Variants in NPAT observed in about 807,000 individuals in gnomAD.
The protein encoded by NPAT is protein NPAT.
In NPAT, 52 loss-of-function variants were observed where a neutral mutation model predicts 130.7. The observed-to-expected ratio is 0.40, with a 90% CI of 0.32 to 0.50. The LOEUF is 0.50. NPAT is among the 20% of genes least tolerant of loss of function. The pLI, the probability that NPAT is intolerant of heterozygous loss-of-function variation, is 0.68. For missense variants in NPAT, 1,687 were observed against 1,662.6 expected (o/e 1.01, Z -0.26); for synonymous variants, 580 against 584.8 (o/e 0.99, Z 0.12).
intron 1 of NPAT, among the ~76,000 whole-genome samples, chr11:108,206,756 T>C (rs2078329440): frequency 6.6e-6 from 1 of 152,234 alleles, no homozygotes; most frequent in Non-Finnish European, 1.5e-5. Flanking sequence ...CCCATGTTAT[T>C]ATCCTGCGTC....
At chr11:108,211,573 A>G (rs1224092482) in intron 1 of NPAT, among the ~76,000 whole-genome samples, 1 of 152,138 alleles carries the variant, frequency 6.6e-6, no homozygotes, top group Non-Finnish European at 1.5e-5. Flanking sequence ...ATCCTTAACA[A>G]AATACTAGCA....
chr11:108,191,245 G>A (rs905853564), intron 4 of NPAT, among the ~76,000 whole-genome samples: 1 of 152,006 alleles, frequency 6.6e-6, no homozygotes, highest in Non-Finnish European at 1.5e-5. Flanking sequence ...TCCCCAAGTT[G>A]ATGTCAGAGG....
intron 8 of NPAT, among the ~76,000 whole-genome samples, chr11:108,186,262 C>A (rs1444704851): frequency 6.6e-6 from 1 of 151,462 alleles, no homozygotes; most frequent in African/African-American, 2.4e-5. Flanking sequence ...AGCAATCTGC[C>A]CACCTCAGCT....
At chr11:108,169,135 C>T (rs1591387647) in intron 15 of NPAT, among the ~76,000 whole-genome samples, 1 of 152,216 alleles carries the variant, frequency 6.6e-6, no homozygotes, top group East Asian at 1.9e-4. Flanking sequence ...AATACTTGAA[C>T]TAAGAAGGAG....
chr11:108,185,241 T>C lies in NPAT; in HGVS notation c.897A>G (p.Leu299=), dbSNP rs757065069. ...TEPETSIDEF[L]GLPSEIHMSE... ...CCCCAACCACCCATACCGGAAGTCC[T>C]AGGAATTCATCAATTGAAGTCTCTG... is the stretch of plus-strand genomic sequence containing the variant. Residue 299 remains leucine (L), a synonymous_variant, in exon 10 of 18, where the codon CTA becomes CTG. Transcript: ENST00000278612. 1 of 1,609,806 alleles carries C rather than the reference T, an allele frequency of 6.2e-7. No homozygotes were observed. Among genetic ancestry groups the C allele is most frequent in the Non-Finnish European group, 8.5e-7 (1 of 1,177,162 alleles).
chr11:108,220,437 A>T (rs1349614826), intron 1 of NPAT, among the ~76,000 whole-genome samples: 1 of 152,172 alleles, frequency 6.6e-6, no homozygotes, highest in Non-Finnish European at 1.5e-5. Flanking sequence ...TATGTTTAAG[A>T]ATTTAAAAAA....
intron 15 of NPAT, among the ~76,000 whole-genome samples, chr11:108,163,537 G>C (rs1306650779): frequency 6.6e-6 from 1 of 152,132 alleles, no homozygotes; most frequent in Non-Finnish European, 1.5e-5. Flanking sequence ...GAGGGTCTGA[G>C]AGACAATAAT....
rs1273962885 is a variant in NPAT at position 108,158,854 on chromosome 11, T to G, written c.*88A>C. 4 of 793,994 alleles carry G rather than the reference T, an allele frequency of 5.0e-6. No homozygotes were observed. Among genetic ancestry groups the G allele is most frequent in the Admixed American group, 3.7e-5 (2 of 53,514 alleles). The allele number at this position is 793,994 out of a possible 1,614,324, so 49.2% of individuals were successfully genotyped here. A position where few individuals can be genotyped will look rare whatever the true frequency, so the allele number is the denominator to read the frequency against. ...AGTACAATGAAAGTGCAGGTCATGC[T>G]TTCAGATTCTGTCAATATCCCATTC... On this transcript the variant is annotated 3_prime_UTR_variant, in exon 18 of 18. Coordinates refer to ENST00000278612, the MANE Select transcript of NPAT (RefSeq NM_002519.3).
intron 10 of NPAT, among the ~76,000 whole-genome samples, chr11:108,177,342 G>T (rs978640216): frequency 2.0e-5 from 3 of 151,764 alleles, no homozygotes; most frequent in African/African-American, 7.3e-5. Context: ...TATTATTTTT[G>T]ATAGAGATGG....
chr11:108,173,279 A>G lies in NPAT; in HGVS notation c.1705T>C (p.Ser569Pro), dbSNP rs902362311. ...TTGTGAACTTCACTAGAATCTGATG[A>G]CTTGGAACCATGAAAATTAATTTTA... is the stretch of plus-strand genomic sequence containing the variant. ...KLKINFHGSK[S>P]SDSSEVHKSK... Residue 569 changes from serine (S) to proline (P), a missense_variant, in exon 13 of 18, where the codon TCA (serine) becomes CCA (proline). By Grantham distance (74) the Ser-to-Pro change is moderately conservative. Transcript: ENST00000278612. 6.2e-7 allele frequency: 1 copy of G among 1,611,516 alleles called. No individual in the cohort carries two copies. Among genetic ancestry groups the G allele is most frequent in the Admixed American group, 1.7e-5 (1 of 59,958 alleles).
chr11:108,173,851 T>A lies in NPAT; in HGVS notation c.1133A>T (p.Asp378Val). The change falls in exon 13 of 18, where the codon GAT becomes GTT. Residue 378 changes from aspartate to valine, a missense_variant and splice_region_variant. This residue lies in a region of NPAT where 1,379 missense variants were observed against 1,346.6 expected (regional missense o/e 1.02). Transcript: ENST00000278612. ...VKGSFETEES[D>V]GQSGQPAFCT... is the part of the protein sequence containing the mutation. Reference sequence around the variant, plus strand: ...AAAAGCGGGCTGACCAGACTGACCATCTGCAAAGTATCAGGCAGGTAGACA... The same window carrying A: ...AAAAGCGGGCTGACCAGACTGACCAACTGCAAAGTATCAGGCAGGTAGACA... 1 of 1,613,792 alleles carries A rather than the reference T, an allele frequency of 6.2e-7. No individual in the cohort carries two copies. The highest frequency in any genetic ancestry group is 1.1e-5 in the South Asian group (1 of 91,084).
intron 12 of NPAT, among the ~76,000 whole-genome samples, chr11:108,175,611 C>T (rs752431291): frequency 6.6e-6 from 1 of 152,118 alleles, no homozygotes; most frequent in Non-Finnish European, 1.5e-5. Context: ...CACTATAATT[C>T]AGCCTAAGAA....
At position 108,158,729 on chromosome 11, in the gene NPAT, G is replaced by A. The variant is rs1039356976; in HGVS notation, c.*213C>T. The A allele has an allele frequency of 6.2e-6, 3 of 486,532 alleles. No homozygotes were observed. Among genetic ancestry groups the A allele is most frequent in the South Asian group, 4.5e-5 (2 of 44,888 alleles). The allele number at this position is 486,532 out of a possible 1,614,324, so 30.1% of individuals were successfully genotyped here. ...GCAGATTGGCTTTACTTACATTTCT[G>A]CAAACGTTTTTCCCAAAATAAAAAT... On this transcript the variant is annotated 3_prime_UTR_variant, in exon 18 of 18. Transcript: ENST00000278612.
At chr11:108,166,217 C>A (rs973131742) in intron 15 of NPAT, among the ~76,000 whole-genome samples, 1 of 151,952 alleles carries the variant, frequency 6.6e-6, no homozygotes, top group Non-Finnish European at 1.5e-5. Flanking sequence ...GATAGTGAAA[C>A]CCTGTCTCTA....
chr11:108,211,280 G>A (rs1043481374), intron 1 of NPAT, among the ~76,000 whole-genome samples: 1 of 151,992 alleles, frequency 6.6e-6, no homozygotes, highest in African/African-American at 2.4e-5. Context: ...AGTGGCTCAC[G>A]CCTGTAATCC....
At position 108,167,600 on chromosome 11, in the gene NPAT, G is replaced by A. The variant is rs187248150; in HGVS notation, c.3010+2144C>T. Reference sequence around the variant, plus strand: ...TGGAAGTATAATCAGATGTCAGTGGGGCAAAAAACTGATTACTTAATAATT... The same window carrying A: ...TGGAAGTATAATCAGATGTCAGTGGAGCAAAAAACTGATTACTTAATAATT... On this transcript the variant is annotated intron_variant, in intron 15 of 17. Transcript: ENST00000278612. Among the ~76,000 whole-genome samples the A allele has an allele frequency of 1.1e-4, 16 of 152,168 alleles. No individual in the cohort carries two copies. In the East Asian group the frequency reaches 2.3e-3, roughly 22 times the overall value.
intron 11 of NPAT, among the ~76,000 whole-genome samples, chr11:108,176,678 C>A (rs910679535): frequency 6.7e-6 from 1 of 148,910 alleles, no homozygotes; most frequent in East Asian, 1.9e-4. Flanking sequence ...GGACAATGGC[C>A]AATTTTTTGT....
intron 1 of NPAT, among the ~76,000 whole-genome samples, chr11:108,219,483 T>C (rs2078464103): frequency 6.6e-6 from 1 of 152,184 alleles, no homozygotes; most frequent in African/African-American, 2.4e-5. Context: ...TGGTTTCTAC[T>C]TTTTTTACTG....
Position 108,201,806 on chromosome 11 carries a change from C to T in NPAT, c.38-4386G>A, listed in dbSNP as rs566010813. ...GATCTGCAGTTAAGAATCTGTCCTT[C>T]CCTAAACCCAGCAACTTTCCTCCCA... On this transcript the variant is annotated intron_variant, in intron 1 of 17. Coordinates refer to ENST00000278612, the MANE Select transcript of NPAT (RefSeq NM_002519.3). Among the ~76,000 whole-genome samples, 4 of 152,316 alleles carry T rather than the reference C, an allele frequency of 2.6e-5. No individual in the cohort carries two copies. The South Asian group carries it at 8.3e-4, about 32-fold the overall frequency.
Sources: allele counts gnomAD v4.1 joint callset (sites outside exome capture counted in the v4.1 genomes callset), GRCh38; gene constraint gnomAD v4.1.1; regional missense constraint gnomAD v4.1.1; transcripts MANE v1.5; gene names NCBI Gene and HGNC (gene_info 2026-07-23, HGNC 2026-07-21).